PTPN22: variants seen among roughly 807,000 people sequenced by gnomAD.
PTPN22 encodes the protein tyrosine-protein phosphatase non-receptor type 22.
Under a neutral mutation model 103.3 loss-of-function variants are expected in PTPN22, and 85 were observed. The ratio of observed to expected loss-of-function variants is 0.82; its 90% CI spans 0.69 to 0.99. PTPN22 has a LOEUF of 0.99. Among genes scored for constraint, PTPN22 ranks in the 50% least tolerant of loss-of-function variants. The pLI, the probability that PTPN22 is intolerant of heterozygous loss-of-function variation, is 0.00. For missense variants in PTPN22, 865 were observed against 936.9 expected, an observed-to-expected ratio of 0.92 and a Z score of 1.00; for synonymous variants, 323 against 310.2, an observed-to-expected ratio of 1.04 and a Z score of -0.43.
At chr1:113,830,402 A>G (rs1662448994) in intron 16 of PTPN22, among the ~76,000 whole-genome samples, 1 of 152,174 alleles carries the variant, frequency 6.6e-6, no homozygotes. Context: ...TTTAAGACAA[A>G]TGACCCACTC....
intron 18 of PTPN22, among the ~76,000 whole-genome samples, chr1:113,825,677 A>C (rs2101900005): frequency 6.6e-6 from 1 of 152,238 alleles, no homozygotes; most frequent in Middle Eastern, 3.4e-3. Context: ...CAGAGTGAGA[A>C]CATGTCTTTT....
chr1:113,854,773 T>A (rs1664901971), intron 8 of PTPN22, 134 bp downstream of exon 8: 1 of 1,220,146 alleles, frequency 8.2e-7, no homozygotes, highest in South Asian at 1.5e-5. Flanking sequence ...CAGAAAAACA[T>A]GAATTTAATG....
chr1:113,848,613 AG>A lies in PTPN22; in HGVS notation c.841del (p.Leu281TrpfsTer7), dbSNP rs754906377. ...TAGTTCTAATACAGCATTGTAGACC[AG>A]TTCATATTGTTCCTGAAGAGCATCA... On this transcript the variant is annotated frameshift_variant, in exon 11 of 21. Transcript: ENST00000359785. LOFTEE classifies it high-confidence loss of function. 17 of 1,613,396 alleles carry A rather than the reference AG, an allele frequency of 1.1e-5. No homozygotes were observed. In the South Asian group the frequency reaches 1.8e-4, roughly 17 times the overall value.
chr1:113,837,812 G>T, exon 13 of PTPN22: 1 of 1,613,716 alleles, frequency 6.2e-7, no homozygotes, highest in Non-Finnish European at 8.5e-7. Flanking sequence ...TCCACTAAAG[G>T]TATGTAAGAA....
chr1:113,814,248 TTTCTA>T, exon 21 of PTPN22: 1 of 152,254 alleles, frequency 6.6e-6, no homozygotes, highest in East Asian at 1.9e-4. Context: ...ATTGATTACT[TTTCTA>T]GAATTGGTAA....
exon 13 of PTPN22, chr1:113,838,275 G>A (rs1472987784): frequency 6.2e-7 from 1 of 1,614,012 alleles, no homozygotes; most frequent in Non-Finnish European, 8.5e-7. Flanking sequence ...CAAAAGAAGT[G>A]CTTGATTTAG....
At chr1:113,847,946 G>A (rs189522957) in intron 11 of PTPN22, among the ~76,000 whole-genome samples, 111 of 152,030 alleles carry the variant, frequency 7.3e-4, no homozygotes, top group African/African-American at 2.5e-3. Flanking sequence ...TGTTGCTGAG[G>A]CTGCTCTCAA....
intron 20 of PTPN22, among the ~76,000 whole-genome samples, chr1:113,818,064 A>G (rs1344656350): frequency 6.6e-6 from 1 of 151,876 alleles, no homozygotes; most frequent in Non-Finnish European, 1.5e-5. Context: ...TGCTGGGATT[A>G]TAGGCATGAA....
chr1:113,857,844 TC>T, intron 4 of PTPN22, 68 bp from the exon 5 acceptor site: 1 of 1,392,518 alleles, frequency 7.2e-7, no homozygotes, highest in South Asian at 1.3e-5. Context: ...AATACATGGA[TC>T]CCAGACTCAG....
chr1:113,838,099 G>A (rs757630135), exon 13 of PTPN22: 5 of 1,613,956 alleles, frequency 3.1e-6, no homozygotes, highest in Non-Finnish European at 3.4e-6. Context: ...ATATCTTCCT[G>A]CTGCATTTAC....
chr1:113,841,162 T>TCCAG (rs1663511449), intron 11 of PTPN22, among the ~76,000 whole-genome samples: 1 of 151,780 alleles, frequency 6.6e-6, no homozygotes, highest in Non-Finnish European at 1.5e-5. Flanking sequence ...AGGTGGAGGT[T>TCCAG]CCAGTGAGCC....
chr1:113,871,322 A>C (rs1376517774), intron 1 of PTPN22, among the ~76,000 whole-genome samples: 2 of 152,202 alleles, frequency 1.3e-5, no homozygotes, highest in East Asian at 1.9e-4. Flanking sequence ...ACTCCAAAGA[A>C]CTAGCAAACA....
intron 19 of PTPN22, among the ~76,000 whole-genome samples, chr1:113,822,908 G>C (rs749675409): frequency 3.3e-5 from 5 of 152,156 alleles, no homozygotes; most frequent in African/African-American, 1.2e-4. Context: ...GCAGTGAGCC[G>C]AGATCGCATC....
At chr1:113,826,692 C>G (rs1308256757) in intron 18 of PTPN22, among the ~76,000 whole-genome samples, 11 of 84,240 alleles carry the variant, frequency 1.3e-4, no homozygotes, top group African/African-American at 5.6e-4. Flanking sequence ...TTTTTTGAGA[C>G]GGAGTCTCGC....
intron 8 of PTPN22, 83 bp downstream of exon 8, chr1:113,854,823 CT>C: frequency 1.4e-6 from 2 of 1,456,196 alleles, no homozygotes; most frequent in Admixed American, 2.2e-5. Flanking sequence ...TGCTATTAAC[CT>C]TTTCCCCTTT....
At chr1:113,866,641 A>G (rs1461126665) in intron 1 of PTPN22, among the ~76,000 whole-genome samples, 1 of 152,222 alleles carries the variant, frequency 6.6e-6, no homozygotes, top group Non-Finnish European at 1.5e-5. Flanking sequence ...GTATAATGGT[A>G]AGTGAAAATA....
At chr1:113,842,217 A>T (rs1663615669) in intron 11 of PTPN22, among the ~76,000 whole-genome samples, 1 of 152,180 alleles carries the variant, frequency 6.6e-6, no homozygotes, top group African/African-American at 2.4e-5. Flanking sequence ...CTAAAAAAAA[A>T]GTAGGGGTGG....
intron 4 of PTPN22, among the ~76,000 whole-genome samples, 196 bp downstream of exon 4, chr1:113,858,282 C>A (rs1217417): frequency 6.6e-6 from 1 of 151,818 alleles, no homozygotes; most frequent in South Asian, 2.1e-4. Context: ...GGTCTAGAAC[C>A]CCTAGGCTCA....
At chr1:113,834,319 C>T in exon 15 of PTPN22, 2 of 1,613,854 alleles carry the variant, frequency 1.2e-6, no homozygotes, top group Non-Finnish European at 1.7e-6. Context: ...CTTGCTTGGT[C>T]TAAGTATCAC....
Sources: gnomAD v4.1 joint callset for allele counts (sites outside exome capture counted in the v4.1 genomes callset) on GRCh38, gnomAD v4.1.1 for gene constraint, MANE v1.5 for transcripts, NCBI Gene and HGNC (gene_info 2026-07-23, HGNC 2026-07-21) for gene names.